The following MSI2 variants were observed in gnomAD, a reference collection of about 807,000 sequenced individuals.
The protein encoded by MSI2 is RNA-binding protein Musashi homolog 2.
In MSI2, 17 loss-of-function variants were observed where a neutral mutation model predicts 45.6. The observed-to-expected ratio is 0.37, with a 90% CI of 0.26 to 0.56. The LOEUF (loss-of-function observed/expected upper bound fraction) is 0.56, where lower values mean the gene tolerates loss of function less well. MSI2 is among the 20% of genes least tolerant of loss of function. MSI2 has a pLI of 0.77. For synonymous variants in MSI2, 156 were observed against 158.2 expected, an observed-to-expected ratio of 0.99 and a Z score of 0.11; for missense variants, 293 against 444.2, an observed-to-expected ratio of 0.66 and a Z score of 3.06.
intron 5 of MSI2, among the ~76,000 whole-genome samples, chr17:57,334,623 G>A (rs537050278): frequency 8.5e-5 from 13 of 152,110 alleles, no homozygotes; most frequent in Non-Finnish European, 1.6e-4. Context: ...GTAAAACTCC[G>A]TCTCTACTAA....
chr17:57,671,695 G>A (rs1912792195), intron 11 of MSI2: 1 of 147,208 alleles, frequency 6.8e-6, no homozygotes, highest in South Asian at 2.2e-4. Flanking sequence ...TGTTCAGTTT[G>A]TGGAGTTACG....
At chr17:57,397,200 C>G (rs949649282) in intron 5 of MSI2, among the ~76,000 whole-genome samples, 1 of 152,150 alleles carries the variant, frequency 6.6e-6, no homozygotes, top group Non-Finnish European at 1.5e-5. Context: ...CCTGAAGGGC[C>G]TATCCTAGGA....
intron 6 of MSI2, among the ~76,000 whole-genome samples, chr17:57,504,082 C>G (rs1332294319): frequency 6.6e-6 from 1 of 152,162 alleles, no homozygotes; most frequent in Non-Finnish European, 1.5e-5. Flanking sequence ...GACCATGGCT[C>G]TGACCTCTCA....
intron 7 of MSI2, among the ~76,000 whole-genome samples, chr17:57,554,110 G>A: frequency 6.6e-6 from 1 of 151,936 alleles, no homozygotes; most frequent in East Asian, 1.9e-4. Context: ...GGATCCGGGT[G>A]CTAATAAAGA....
chr17:57,635,794 G>A (rs1276110526), intron 10 of MSI2, among the ~76,000 whole-genome samples: 6 of 152,252 alleles, frequency 3.9e-5, no homozygotes, highest in Non-Finnish European at 8.8e-5. Flanking sequence ...ATGAGCACTG[G>A]ATTCCTGGAG....
chr17:57,364,433 A>G (rs968869273), intron 5 of MSI2, among the ~76,000 whole-genome samples: 5 of 152,256 alleles, frequency 3.3e-5, no homozygotes, highest in Non-Finnish European at 7.3e-5. Context: ...ATCAAAGTTA[A>G]GTGCAGAAAT....
At chr17:57,391,705 C>T (rs1454715449) in intron 5 of MSI2, among the ~76,000 whole-genome samples, 1 of 152,132 alleles carries the variant, frequency 6.6e-6, no homozygotes, top group Non-Finnish European at 1.5e-5. Context: ...CCAACCCCAC[C>T]ATCCTGTCTG....
chr17:57,256,824 C>T lies in MSI2; in HGVS notation c.62+20C>T, dbSNP rs1275015903. The stretch of plus-strand genomic sequence containing the variant: ...CCCCGGGTAAGTTTCCAGCCGCTGC[C>T]CACCGCGCCGCCTTGGGCTCGCTCT... On this transcript the variant is annotated intron_variant, in intron 1 of 13. Transcript: ENST00000284073. 3.4e-6 allele frequency: 5 copies of T among 1,449,416 alleles called. No homozygotes were observed. The Admixed American group carries it at 1.1e-4, about 33-fold the overall frequency. The allele number at this position is 1,449,416 out of a possible 1,614,324, so 89.8% of individuals were successfully genotyped here.
At chr17:57,383,870 C>T (rs1299559462) in intron 5 of MSI2, among the ~76,000 whole-genome samples, 1 of 152,198 alleles carries the variant, frequency 6.6e-6, no homozygotes, top group Non-Finnish European at 1.5e-5. Flanking sequence ...TGCCAGGTCA[C>T]TCCACGGCTT....
At chr17:57,607,780 A>G (rs1016706264) in intron 8 of MSI2, among the ~76,000 whole-genome samples, 2 of 152,214 alleles carry the variant, frequency 1.3e-5, no homozygotes, top group Admixed American at 6.5e-5. Context: ...GTGGGGCCTC[A>G]GGGAGCTTTT....
downstream of MSI2, among the ~76,000 whole-genome samples, chr17:57,685,089 C>G (rs1913839093): frequency 6.6e-6 from 1 of 152,148 alleles, no homozygotes; most frequent in African/African-American, 2.4e-5. Context: ...AAACCGCATT[C>G]CACGACCCCT....
intron 5 of MSI2, among the ~76,000 whole-genome samples, chr17:57,337,605 A>G (rs1801948806): frequency 6.6e-6 from 1 of 152,112 alleles, no homozygotes; most frequent in South Asian, 2.1e-4. Context: ...CACCTTGGCA[A>G]CAAGCGCTGC....
At chr17:57,647,795 C>T (rs1339770255) in intron 10 of MSI2, among the ~76,000 whole-genome samples, 1 of 151,830 alleles carries the variant, frequency 6.6e-6, no homozygotes, top group Non-Finnish European at 1.5e-5. Context: ...ACATGCGCCA[C>T]CACACCCAGC....
chr17:57,416,460 T>A (rs973351560), intron 6 of MSI2, among the ~76,000 whole-genome samples: 12 of 152,186 alleles, frequency 7.9e-5, no homozygotes, highest in Admixed American at 7.2e-4. Context: ...TTCCCTCCCA[T>A]AGGAAGCAGC....
intron 5 of MSI2, among the ~76,000 whole-genome samples, chr17:57,342,386 G>A (rs906100561): frequency 6.6e-6 from 1 of 152,138 alleles, no homozygotes; most frequent in African/African-American, 2.4e-5. Context: ...TCTTCATGTT[G>A]GTCTGTGCCT....
At chr17:57,633,130 A>AT (rs1054845044) in intron 10 of MSI2, 9 of 1,025,124 alleles carry the variant, frequency 8.8e-6, no homozygotes, top group Admixed American at 5.8e-5. Context: ...ATGACGTTTT[A>AT]TTTTTTTTCC....
intron 8 of MSI2, chr17:57,600,996 T>C (rs998313514): frequency 1.3e-5 from 2 of 152,264 alleles, no homozygotes. Flanking sequence ...CCCAGAAAGC[T>C]ATACTCCAGA....
At chr17:57,476,785 A>G (rs1281187903) in intron 6 of MSI2, among the ~76,000 whole-genome samples, 3 of 152,226 alleles carry the variant, frequency 2.0e-5, no homozygotes, top group Non-Finnish European at 4.4e-5. Flanking sequence ...AGGTGAGAAC[A>G]TTGAGATTCA....
chr17:57,589,583 A>G (rs1436525120), intron 7 of MSI2, among the ~76,000 whole-genome samples: 3 of 152,218 alleles, frequency 2.0e-5, no homozygotes, highest in African/African-American at 7.2e-5. Context: ...CAATGGACGC[A>G]CAGCCAACTG....
Sources: allele counts gnomAD v4.1 joint callset (sites outside exome capture counted in the v4.1 genomes callset), GRCh38; gene constraint gnomAD v4.1.1; transcripts MANE v1.5; gene names NCBI Gene and HGNC (gene_info 2026-07-23, HGNC 2026-07-21).